Variants in RGS5 observed in about 807,000 individuals in gnomAD.
The protein encoded by RGS5 is regulator of G protein signaling 5.
Under a neutral mutation model 18.9 loss-of-function variants are expected in RGS5, and 20 were observed. That is an observed-to-expected ratio of 1.06 (90% CI 0.74 to 1.54). The LOEUF is 1.54. Ranked by LOEUF, RGS5 falls within the 40% of genes most tolerant of loss-of-function variation. The pLI is 0.00. For missense variants in RGS5, 201 were observed against 211.8 expected (o/e 0.95, Z 0.32); for synonymous variants, 57 against 76.2 (o/e 0.75, Z 1.31).
At chr1:163,204,445 G>A (rs1422345202), upstream of RGS5, among the ~76,000 whole-genome samples, 4 of 152,094 alleles carry the variant, frequency 2.6e-5, no homozygotes, top group African/African-American at 9.6e-5. Context: ...AAACTCCTGG[G>A]CACAAGCGAT....
Position 163,143,042 on chromosome 1 carries a change from C to G in RGS5, c.*4300G>C, listed in dbSNP as rs975668525. ...TAAGTTTCCATTCAAAGCCAGGAGTCTTTTCTCAGTTGGAAGAGTTGATCT... is the reference window on the plus strand; with the variant it reads ...TAAGTTTCCATTCAAAGCCAGGAGTGTTTTCTCAGTTGGAAGAGTTGATCT... On this transcript the variant is annotated 3_prime_UTR_variant, in exon 5 of 5. Transcript: ENST00000313961. 4 of 152,164 alleles carry G rather than the reference C, an allele frequency of 2.6e-5. No homozygotes were observed. Among genetic ancestry groups the G allele is most frequent in the Non-Finnish European group, 4.4e-5 (3 of 68,018 alleles). 9.4% of individuals were successfully genotyped at this position (152,164 alleles called of 1,614,324 possible). A position where few individuals can be genotyped will look rare whatever the true frequency, so the allele number is the denominator to read the frequency against.
At chr1:163,228,403 G>T (rs1308437200) in intron 2 of RGS5, among the ~76,000 whole-genome samples, 1 of 152,254 alleles carries the variant, frequency 6.6e-6, no homozygotes, top group Admixed American at 6.5e-5. Context: ...GGACTGAGCT[G>T]TACTCTGACC....
In RGS5 at chr1:163,223,400, A is replaced by ATGC. The variant is rs546696669; in HGVS notation, c.-280-55035_-280-55033dup. On this transcript the variant is annotated intron_variant, in intron 2 of 5. Transcript: ENST00000618415. Reference sequence around the variant, plus strand: ...ACAGATATAGTTCAAGCTGTTAAGGATGCTGCTGCTCCTCCCACTAATGTA... The same window carrying ATGC: ...ACAGATATAGTTCAAGCTGTTAAGGATGCTGCTGCTGCTCCTCCCACTAATGTA... Among the ~76,000 whole-genome samples, 353 of 152,296 alleles carry ATGC rather than the reference A, an allele frequency of 2.3e-3. 3 individuals carry two copies. Among genetic ancestry groups the ATGC allele is most frequent in the African/African-American group, 8.3e-3 (347 of 41,572 alleles).
At chr1:163,309,656 A>T (rs771472702) in intron 1 of RGS5, among the ~76,000 whole-genome samples, 2 of 152,204 alleles carry the variant, frequency 1.3e-5, no homozygotes, top group African/African-American at 2.4e-5. Context: ...AAAGTCATGA[A>T]GTCATTCATA....
At chr1:163,182,890 A>C (rs1658913891) in intron 1 of RGS5, among the ~76,000 whole-genome samples, 1 of 152,174 alleles carries the variant, frequency 6.6e-6, no homozygotes, top group South Asian at 2.1e-4. Context: ...TGTACATGGC[A>C]CTAGTAACTC....
chr1:163,253,372 G>A (rs1237807512), intron 2 of RGS5, among the ~76,000 whole-genome samples: 5 of 151,850 alleles, frequency 3.3e-5, no homozygotes, highest in Non-Finnish European at 4.4e-5. Flanking sequence ...GAAGTGGCAC[G>A]ATCTCAGCTC....
intron 1 of RGS5, among the ~76,000 whole-genome samples, chr1:163,311,251 AG>A (rs1649852469): frequency 6.6e-6 from 1 of 152,216 alleles, no homozygotes; most frequent in South Asian, 2.1e-4. Context: ...GCTCTGGATT[AG>A]GCTTTGGTTT....
intron 2 of RGS5, among the ~76,000 whole-genome samples, chr1:163,249,404 G>A (rs1164451552): frequency 1.3e-5 from 2 of 152,170 alleles, no homozygotes; most frequent in East Asian, 3.9e-4. Context: ...CTGTCTTTTA[G>A]AAGATTAAAC....
chr1:163,180,542 CAA>C (rs1658771414), intron 1 of RGS5, among the ~76,000 whole-genome samples: 1 of 152,094 alleles, frequency 6.6e-6, no homozygotes, highest in African/African-American at 2.4e-5. Flanking sequence ...GGCTCCACCC[CAA>C]AGTTTCTTTA....
At chr1:163,307,892 G>C (rs1012319762) in intron 1 of RGS5, among the ~76,000 whole-genome samples, 3 of 152,204 alleles carry the variant, frequency 2.0e-5, no homozygotes, top group Non-Finnish European at 4.4e-5. Context: ...ACTTAAAGAT[G>C]TTTAGAAACC....
intron 4 of RGS5, among the ~76,000 whole-genome samples, chr1:163,148,460 C>T (rs1239209516): frequency 6.6e-6 from 1 of 152,200 alleles, no homozygotes; most frequent in Non-Finnish European, 1.5e-5. Flanking sequence ...GTGCCAGGCA[C>T]TTTGCACGGA....
intron 2 of RGS5, among the ~76,000 whole-genome samples, chr1:163,241,509 A>G (rs1446202927): frequency 6.6e-6 from 1 of 152,164 alleles, no homozygotes; most frequent in Non-Finnish European, 1.5e-5. Context: ...TTTCCACCCC[A>G]TGTTTCAGAC....
chr1:163,162,302 T>G (rs1317706153), intron 2 of RGS5, among the ~76,000 whole-genome samples: 3 of 152,180 alleles, frequency 2.0e-5, no homozygotes, highest in Non-Finnish European at 2.9e-5. Context: ...CTGTGGTCTT[T>G]TTTCCAAATA....
rs1269084128 is a variant in RGS5, at chr1:163,243,768, A to T, written c.-281+62465T>A. The stretch of plus-strand genomic sequence containing the variant: ...TATGTATCCCAGAAATTAAAGTAAC[A>T]TTAAAAAAAAAAAAGAAGGAGGAGG... On this transcript the variant is annotated intron_variant, in intron 2 of 5. Transcript: ENST00000618415. Among the ~76,000 whole-genome samples, 7 of 151,370 alleles carry T rather than the reference A, an allele frequency of 4.6e-5. No homozygotes were observed. In the South Asian group the frequency reaches 1.0e-3, roughly 22 times the overall value.
At chr1:163,244,913 T>A (rs1186981700) in intron 2 of RGS5, 3 of 152,244 alleles carry the variant, frequency 2.0e-5, no homozygotes, top group Non-Finnish European at 2.9e-5. Context: ...TCTAGAGTTC[T>A]ACTTTTCAGA....
chr1:163,172,663 C>T (rs775885805), intron 1 of RGS5: 173 of 1,523,676 alleles, frequency 1.1e-4, no homozygotes, highest in Non-Finnish European at 1.5e-4. Context: ...CAGTTTCTGG[C>T]TTGGTATAGG....
In RGS5 at chr1:163,209,252, A is replaced by G. The variant is rs551904681; in HGVS notation, c.69+8274T>C. 4.0e-3 allele frequency among the ~76,000 whole-genome samples: 607 copies of G among 152,242 alleles called. 8 individuals are homozygous for G. The highest frequency in any genetic ancestry group is 0.014 in the African/African-American group (579 of 41,570). On this transcript the variant is annotated intron_variant, in intron 1 of 5. Coordinates refer to the RGS5 transcript ENST00000367903. ...TAAATTTCCACGTGTACTTAAGTCTATTTCTGAACTATTCTTTTCCACCAG... is the reference window on the plus strand; with the variant it reads ...TAAATTTCCACGTGTACTTAAGTCTGTTTCTGAACTATTCTTTTCCACCAG...
At chr1:163,209,825 G>T (rs1251682657) in intron 1 of RGS5, among the ~76,000 whole-genome samples, 1 of 151,968 alleles carries the variant, frequency 6.6e-6, no homozygotes, top group Non-Finnish European at 1.5e-5. Context: ...CAAATTTTAT[G>T]CCTCTAAGTG....
intron 2 of RGS5, among the ~76,000 whole-genome samples, chr1:163,288,733 T>C (rs1252576818): frequency 6.6e-6 from 1 of 152,200 alleles, no homozygotes; most frequent in Non-Finnish European, 1.5e-5. Context: ...AGTCTTACTC[T>C]ATCAGGAACT....
Sources: allele counts gnomAD v4.1 joint callset (sites outside exome capture counted in the v4.1 genomes callset), GRCh38; gene constraint gnomAD v4.1.1; transcripts MANE v1.5; gene names NCBI Gene and HGNC (gene_info 2026-07-23, HGNC 2026-07-21).